Variants in MMD observed in about 807,000 individuals in gnomAD.
MMD encodes monocyte to macrophage differentiation associated.
In MMD, 22 loss-of-function variants were observed where a neutral mutation model predicts 33.6. The observed-to-expected ratio is 0.66, with a 90% confidence interval of 0.47 to 0.94. The LOEUF is 0.94. Ranked by LOEUF, MMD falls within the 40% of genes least tolerant of loss-of-function variation. The probability of loss-of-function intolerance (pLI) is 0.00; values close to 1 mark genes in which losing one functional copy is unlikely to be tolerated. For synonymous variants in MMD, 97 were observed against 103.2 expected, an observed-to-expected ratio of 0.94 and a Z score of 0.36; for missense variants, 242 against 309.8, an observed-to-expected ratio of 0.78 and a Z score of 1.64.
intron 5 of MMD, among the ~76,000 whole-genome samples, chr17:55,403,474 A>G (rs1907424645): frequency 6.6e-6 from 1 of 152,214 alleles, no homozygotes; most frequent in African/African-American, 2.4e-5. Flanking sequence ...ATCACAGAGA[A>G]TAAGGCCAAT....
At chr17:55,414,322 A>G in intron 1 of MMD, 90 bp from the exon 2 acceptor site, 1 of 1,226,874 alleles carries the variant, frequency 8.2e-7, no homozygotes, top group Non-Finnish European at 1.2e-6. Flanking sequence ...GGTCTATTCT[A>G]CGCAAAGAAG....
chr17:55,415,270 C>T (rs1426956007), intron 1 of MMD, among the ~76,000 whole-genome samples: 7 of 149,266 alleles, frequency 4.7e-5, no homozygotes, highest in South Asian at 2.2e-4. Flanking sequence ...CAGAAACAGA[C>T]GGACGTAAAA....
At chr17:55,412,519 G>A (rs1342319454) in intron 2 of MMD, among the ~76,000 whole-genome samples, 1 of 152,172 alleles carries the variant, frequency 6.6e-6, no homozygotes, top group East Asian at 1.9e-4. Flanking sequence ...AATGACAGAA[G>A]CTCCCAGGAG....
chr17:55,412,428 GCAT>G, intron 2 of MMD, among the ~76,000 whole-genome samples: 1 of 152,236 alleles, frequency 6.6e-6, no homozygotes, highest in Middle Eastern at 3.4e-3. Flanking sequence ...TTTGCTTTCT[GCAT>G]CATATTTCAT....
chr17:55,403,652 C>T, intron 5 of MMD, 115 bp downstream of exon 5: 1 of 637,992 alleles, frequency 1.6e-6, no homozygotes, highest in Non-Finnish European at 2.6e-6. Context: ...ATAACATATT[C>T]TATATATGTA....
intron 5 of MMD, 111 bp downstream of exon 5, chr17:55,403,656 A>G (rs1046909943): frequency 1.1e-5 from 7 of 666,024 alleles, no homozygotes; most frequent in Non-Finnish European, 1.7e-5. Flanking sequence ...CATATTCTAT[A>G]TATGTATTTC....
intron 1 of MMD, among the ~76,000 whole-genome samples, chr17:55,417,228 T>TCA (rs1020125373): frequency 1.3e-5 from 2 of 152,022 alleles, no homozygotes; most frequent in African/African-American, 4.8e-5. Flanking sequence ...AACACTACCT[T>TCA]CAAAATATAT....
chr17:55,417,598 C>A (rs1908018454), intron 1 of MMD, among the ~76,000 whole-genome samples: 1 of 151,908 alleles, frequency 6.6e-6, no homozygotes, highest in Non-Finnish European at 1.5e-5. Context: ...TAAGACCAGC[C>A]TAGGCGGTAT....
At chr17:55,402,301 G>A (rs1200828326) in intron 5 of MMD, among the ~76,000 whole-genome samples, 1 of 152,032 alleles carries the variant, frequency 6.6e-6, no homozygotes, top group African/African-American at 2.4e-5. Context: ...GGAACAGCAA[G>A]CCCTAAGGAA....
chr17:55,396,446 G>A (rs935675755), intron 6 of MMD, among the ~76,000 whole-genome samples: 12 of 152,134 alleles, frequency 7.9e-5, no homozygotes, highest in Admixed American at 3.3e-4. Context: ...GAAGCCTCCC[G>A]TCTTGCTCTC....
At chr17:55,416,158 A>G (rs77018862) in intron 1 of MMD, among the ~76,000 whole-genome samples, 1 of 152,338 alleles carries the variant, frequency 6.6e-6, no homozygotes, top group East Asian at 1.9e-4. Context: ...CTGTAGTTAG[A>G]TGAAATTGAA....
intron 1 of MMD, among the ~76,000 whole-genome samples, chr17:55,421,166 C>T (rs917286821): frequency 7.2e-5 from 11 of 152,246 alleles, no homozygotes; most frequent in African/African-American, 2.4e-4. Context: ...CACAAAGCAC[C>T]CAAAATGCCT....
At chr17:55,396,002 T>C (rs1907087895) in intron 6 of MMD, among the ~76,000 whole-genome samples, 1 of 152,200 alleles carries the variant, frequency 6.6e-6, no homozygotes, top group Admixed American at 6.5e-5. Context: ...TGAAGTGGCC[T>C]GAACAAAATC....
chr17:55,414,580 AC>A (rs1749057401), intron 1 of MMD, among the ~76,000 whole-genome samples: 1 of 151,210 alleles, frequency 6.6e-6, no homozygotes, highest in Non-Finnish European at 1.5e-5. Context: ...ACACACACAC[AC>A]ACACACACAC....
intron 3 of MMD, among the ~76,000 whole-genome samples, chr17:55,409,838 A>G (rs1395938015): frequency 3.3e-5 from 5 of 152,212 alleles, no homozygotes; most frequent in Non-Finnish European, 7.3e-5. Context: ...CACAAGCACT[A>G]AATTGTGCCA....
In MMD at chr17:55,397,617, C is replaced by T. The variant is rs150428485; in HGVS notation, c.517-3083G>A. Among the ~76,000 whole-genome samples the T allele has an allele frequency of 7.1e-3, 1,083 of 152,106 alleles. 9 individuals are homozygous for T. The highest frequency in any genetic ancestry group is 0.024 in the African/African-American group (1,010 of 41,474). On this transcript the variant is annotated intron_variant, in intron 6 of 6. Coordinates refer to ENST00000262065, the MANE Select transcript of MMD (RefSeq NM_012329.3). ...TCAGCTCACTACAACCTCCTACAACCTCCACCTCTTGGGTTCAGGCGATTT... is the reference window on the plus strand; with the variant it reads ...TCAGCTCACTACAACCTCCTACAACTTCCACCTCTTGGGTTCAGGCGATTT...
chr17:55,421,529 C>T, intron 1 of MMD, 141 bp downstream of exon 1: 1 of 1,222,898 alleles, frequency 8.2e-7, no homozygotes, highest in South Asian at 1.3e-5. Flanking sequence ...TGGGGAATCC[C>T]CAGGGAACTG....
At chr17:55,405,618 C>T (rs1474479441) in intron 4 of MMD, among the ~76,000 whole-genome samples, 1 of 152,072 alleles carries the variant, frequency 6.6e-6, no homozygotes, top group Non-Finnish European at 1.5e-5. Flanking sequence ...GTTTGGAACA[C>T]CCTGTAGGTT....
At chr17:55,394,560 A>G in intron 6 of MMD, 26 bp from the exon 7 acceptor site, 1 of 1,420,930 alleles carries the variant, frequency 7.0e-7, no homozygotes, top group Non-Finnish European at 9.2e-7. Flanking sequence ...AAAAAATAAA[A>G]AGGGTTTGAT....
Sources: gnomAD v4.1 joint callset for allele counts (sites outside exome capture counted in the v4.1 genomes callset) on GRCh38, gnomAD v4.1.1 for gene constraint, MANE v1.5 for transcripts, NCBI Gene and HGNC (gene_info 2026-07-23, HGNC 2026-07-21) for gene names.